Variants in HTR1A observed in about 807,000 individuals in gnomAD.
HTR1A encodes the protein 5-hydroxytryptamine receptor 1A, also known as 5-HT1a receptor.
HTR1A carries 17 observed loss-of-function variants against 24.6 expected under a neutral mutation model. The observed-to-expected ratio is 0.69, with a 90% CI of 0.47 to 1.04. The LOEUF is 1.04. Among genes scored for constraint, HTR1A ranks in the 50% least tolerant of loss-of-function variants. HTR1A has a pLI of 0.00. For synonymous variants in HTR1A, 262 were observed against 244.6 expected (o/e 1.07, Z -0.67); for missense variants, 515 against 565.1 (o/e 0.91, Z 0.90).
chr5:63,962,445 CA>C (rs1746458457), upstream of HTR1A: 1 of 155,750 alleles, frequency 6.4e-6, no homozygotes, highest in African/African-American at 2.4e-5. Context: ...TTTTTGTCAA[CA>C]GAGACTCAGA....
rs1746450363 is a variant in HTR1A, at chr5:63,961,937, G to A, written c.-218C>T. On this transcript the variant is annotated 5_prime_UTR_variant, in exon 1 of 1. Transcript: ENST00000323865. ...CTCTCGCAGTCCAGCGCGTTCAGAA[G>A]CTCCAGCTGGGAAACTGGAGTTGGC... 1.7e-6 allele frequency: 1 copy of A among 593,088 alleles called. No homozygotes were observed. Among genetic ancestry groups the A allele is most frequent in the Admixed American group, 2.9e-5 (1 of 34,050 alleles). 36.7% of individuals were successfully genotyped at this position (593,088 alleles called of 1,614,324 possible).
In HTR1A at chr5:63,960,559, C is replaced by T; in HGVS notation, c.1161G>A (p.Trp387Ter). Residue 387 changes from tryptophan (W) to a stop codon, truncating the protein, a stop_gained, in exon 1 of 1, where the codon TGG (tryptophan) becomes TGA (stop). Transcript: ENST00000323865. LOFTEE classifies it high-confidence loss of function. The stretch of plus-strand genomic sequence containing the variant: ...TAAGCAGAGAGTTGGAGTAGCCCAG[C>T]CAATTGATTATGGCGCCCAACAGGG... ...MPTLLGAIIN[W>*]LGYSNSLLNP... is the part of the protein sequence containing the mutation. 6.2e-7 allele frequency: 1 copy of T among 1,614,176 alleles called. No homozygotes were observed. The highest frequency in any genetic ancestry group is 8.5e-7 in the Non-Finnish European group (1 of 1,180,028).
rs1746353793 is a variant in HTR1A, at chr5:63,958,277, C to T, written c.*2174G>A. On this transcript the variant is annotated 3_prime_UTR_variant, in exon 1 of 1. Coordinates refer to ENST00000323865, the MANE Select transcript of HTR1A (RefSeq NM_000524.4). ...CTTATCTTCTTCACTGCAGACCCTT[C>T]TCAGCATTATACATGCATAGACAAA... Among the ~76,000 whole-genome samples the T allele has an allele frequency of 6.6e-6, 1 of 152,170 alleles. No individual in the cohort carries two copies. Among genetic ancestry groups the T allele is most frequent in the South Asian group, 2.1e-4 (1 of 4,830 alleles).
chr5:63,960,367 T>G lies in HTR1A; in HGVS notation c.*84A>C, dbSNP rs749057027. On this transcript the variant is annotated 3_prime_UTR_variant, in exon 1 of 1. Coordinates refer to ENST00000323865, the MANE Select transcript of HTR1A (RefSeq NM_000524.4). ...AAAGAGGAGAAGTGGCGAATTATCT[T>G]AAGTGTTGATTCCCTAGGGTTGGGG... The G allele has an allele frequency of 2.2e-6, 3 of 1,370,888 alleles. No individual in the cohort carries two copies. The highest frequency in any genetic ancestry group is 1.7e-5 in the Admixed American group (1 of 59,710). 84.9% of individuals were successfully genotyped at this position (1,370,888 alleles called of 1,614,324 possible).
Position 63,959,722 on chromosome 5 carries a change from A to G in HTR1A, c.*729T>C, listed in dbSNP as rs1579953300. On this transcript the variant is annotated 3_prime_UTR_variant, in exon 1 of 1. Transcript: ENST00000323865. The stretch of plus-strand genomic sequence containing the variant: ...TACTTACAAGTCCACTCTAAAAGAT[A>G]CCTTCTAGCCACTTGCTTTGAGTCC... Among the ~76,000 whole-genome samples the G allele has an allele frequency of 6.6e-6, 1 of 152,264 alleles. No individual in the cohort carries two copies. Among genetic ancestry groups the G allele is most frequent in the South Asian group, 2.1e-4 (1 of 4,832 alleles).
rs1223376418 is a variant in HTR1A, at chr5:63,958,050, C to T, written c.*2401G>A. ...ACACAAATAAATGGAAGTCTCAAAA[C>T]TTCTAATGTAAAACTTGCTGGCCAA... On this transcript the variant is annotated 3_prime_UTR_variant, in exon 1 of 1. Coordinates refer to ENST00000323865, the MANE Select transcript of HTR1A (RefSeq NM_000524.4). 1 of 152,214 alleles carries T rather than the reference C, an allele frequency of 6.6e-6. No individual in the cohort carries two copies. Among genetic ancestry groups the T allele is most frequent in the African/African-American group, 2.4e-5 (1 of 41,454 alleles). 9.4% of individuals were successfully genotyped at this position (152,214 alleles called of 1,614,324 possible). A position where few individuals can be genotyped will look rare whatever the true frequency, so the allele number is the denominator to read the frequency against.
Position 63,962,073 on chromosome 5 carries a change from C to T in HTR1A, c.-354G>A. On this transcript the variant is annotated 5_prime_UTR_variant, in exon 1 of 1. Coordinates refer to ENST00000323865, the MANE Select transcript of HTR1A (RefSeq NM_000524.4). ...AACTGGCTGCCGGAGCTGGAGTCTC[C>T]CCACTAGCAAACAGTCTCCAATCCC... 5 of 404,506 alleles carry T rather than the reference C, an allele frequency of 1.2e-5. No homozygotes were observed. The allele number at this position is 404,506 out of a possible 1,614,324, so 25.1% of individuals were successfully genotyped here.
chr5:63,961,659 T>TGGTGG lies in HTR1A; in HGVS notation c.60_61insCCACC (p.Thr21ProfsTer13). 2 of 1,613,822 alleles carry TGGTGG rather than the reference T, an allele frequency of 1.2e-6. No homozygotes were observed. Among genetic ancestry groups the TGGTGG allele is most frequent in the Non-Finnish European group, 1.7e-6 (2 of 1,180,032 alleles). On this transcript the variant is annotated frameshift_variant, in exon 1 of 1. Transcript: ENST00000323865. LOFTEE classifies it high-confidence loss of function. ...GAGATACCAGTAGTGTTGCCGCCGGTCTCAAAGGGAGCCGGTGGTGATGTG... is the reference window on the plus strand; with the variant it reads ...GAGATACCAGTAGTGTTGCCGCCGGTGGTGGCTCAAAGGGAGCCGGTGGTGATGTG...
chr5:63,959,195 G>A lies in HTR1A; in HGVS notation c.*1256C>T, dbSNP rs1020671284. Among the ~76,000 whole-genome samples the A allele has an allele frequency of 2.6e-5, 4 of 152,208 alleles. No homozygotes were observed. The highest frequency in any genetic ancestry group is 5.9e-5 in the Non-Finnish European group (4 of 68,030). On this transcript the variant is annotated 3_prime_UTR_variant, in exon 1 of 1. Coordinates refer to ENST00000323865, the MANE Select transcript of HTR1A (RefSeq NM_000524.4). ...AATTGCTCTTTCAGGTTTTACTGGG[G>A]GAGCCAGCTGGAGCCTTGGGCACGC...
In HTR1A at chr5:63,960,876, TCAC is replaced by T; in HGVS notation, c.841_843del (p.Val281del). 1 of 1,613,958 alleles carries T rather than the reference TCAC, an allele frequency of 6.2e-7. No homozygotes were observed. Among genetic ancestry groups the T allele is most frequent in the African/African-American group, 1.3e-5 (1 of 75,070 alleles). ...AGGGCGGCGCCATCGTCACCTTGCC[TCAC>T]CGCGCCATTGGCGCACAGAGCACCC... is the stretch of plus-strand genomic sequence containing the variant. On this transcript the variant is annotated inframe_deletion, in exon 1 of 1. Coordinates refer to ENST00000323865, the MANE Select transcript of HTR1A (RefSeq NM_000524.4).
rs1746355123 is a variant in HTR1A, at chr5:63,958,377, AGACACCAAAGGAAAGCTTT to A, written c.*2055_*2073del. Among the ~76,000 whole-genome samples the A allele has an allele frequency of 2.0e-5, 3 of 152,352 alleles. No homozygotes were observed. The highest frequency in any genetic ancestry group is 6.8e-3 in the Middle Eastern group (2 of 294). On this transcript the variant is annotated 3_prime_UTR_variant, in exon 1 of 1. Transcript: ENST00000323865. The stretch of plus-strand genomic sequence containing the variant: ...TACTTCCAGTTTAGAATACAGAAGC[AGACACCAAAGGAAAGCTTT>A]GTTCAGTCTGACAAACAATAAAATG...
chr5:63,960,840 C>A lies in HTR1A; in HGVS notation c.880G>T (p.Glu294Ter). The A allele has an allele frequency of 6.2e-7, 1 of 1,614,168 alleles. No homozygotes were observed. Residue 294 changes from glutamate to a stop codon, truncating the protein, a stop_gained, in exon 1 of 1, where the codon GAG becomes TAG. Coordinates refer to ENST00000323865, the MANE Select transcript of HTR1A (RefSeq NM_000524.4). LOFTEE classifies it high-confidence loss of function. ...GDDGAALEVI[E>*]VHRVGNSKEH... ...TTGGAGTTGCCCACTCGGTGCACCT[C>A]GATCACCTCCAGGGCGGCGCCATCG...
Position 63,960,779 on chromosome 5 carries a change from G to C in HTR1A, c.941C>G (p.Thr314Ser), listed in dbSNP as rs758093561. The C allele has an allele frequency of 6.2e-7, 1 of 1,614,104 alleles. No homozygotes were observed. Among genetic ancestry groups the C allele is most frequent in the Non-Finnish European group, 8.5e-7 (1 of 1,179,972 alleles). ...CTCGAAAGAGGCGGGGGCACAAGGGGTAGGACCAGCCTCGCTGGGCAGAGG... is the reference window on the plus strand; with the variant it reads ...CTCGAAAGAGGCGGGGGCACAAGGGCTAGGACCAGCCTCGCTGGGCAGAGG... The part of the protein sequence containing the change: ...HLPLPSEAGP[T>S]PCAPASFERK... The change falls in exon 1 of 1, where the codon ACC becomes AGC. Residue 314 changes from threonine to serine, a missense_variant. Physicochemically the swap from Thr to Ser is moderately conservative, Grantham distance 58 (BLOSUM62 1). Around this residue, in one of 3 missense-constraint regions of HTR1A, gnomAD observed 381 missense variants for 384.5 expected, o/e 0.99. Coordinates refer to ENST00000323865, the MANE Select transcript of HTR1A (RefSeq NM_000524.4).
chr5:63,961,246 C>A lies in HTR1A; in HGVS notation c.474G>T (p.Ser158=). 6.2e-7 allele frequency: 1 copy of A among 1,614,184 alleles called. No individual in the cohort carries two copies. The highest frequency in any genetic ancestry group is 8.5e-7 in the Non-Finnish European group (1 of 1,180,040). The part of the protein sequence containing the change: ...RTPRRAAALI[S]LTWLIGFLIS... ...TGAGGAAGCCAATAAGCCAAGTGAG[C>A]GAGATGAGCGCAGCGGCGCGCCGGG... Residue 158 remains serine, a synonymous_variant, in exon 1 of 1, where the codon TCG becomes TCT. Transcript: ENST00000323865.
At position 63,961,097 on chromosome 5, in the gene HTR1A, A is replaced by G. The variant is rs759529264; in HGVS notation, c.623T>C (p.Leu208Pro). The G allele has an allele frequency of 1.9e-6, 3 of 1,614,274 alleles. No homozygotes were observed. In the Admixed American group the frequency reaches 5.0e-5, roughly 27 times the overall value. ...YSTFGAFYIP[L>P]LLMLVLYGRI... ...CCCATAGAGAACCAGCATGAGCAGC[A>G]GCGGGATGTAGAAAGCTCCAAAGGT... The change falls in exon 1 of 1, where the codon CTG (leucine) becomes CCG (proline). Residue 208 changes from leucine to proline, a missense_variant. This residue lies in a region of HTR1A where 381 missense variants were observed against 384.5 expected (regional missense o/e 0.99). Transcript: ENST00000323865.
At position 63,960,392 on chromosome 5, in the gene HTR1A, G is replaced by T; in HGVS notation, c.*59C>A. ...TAAGTGTTGATTCCCTAGGGTTGGG[G>T]GAAGCATAGTGAATGGGACGGATCC... On this transcript the variant is annotated 3_prime_UTR_variant, in exon 1 of 1. Coordinates refer to ENST00000323865, the MANE Select transcript of HTR1A (RefSeq NM_000524.4). The T allele has an allele frequency of 6.6e-7, 1 of 1,520,312 alleles. No homozygotes were observed. The highest frequency in any genetic ancestry group is 9.1e-7 in the Non-Finnish European group (1 of 1,095,058). The allele number at this position is 1,520,312 out of a possible 1,614,324, so 94.2% of individuals were successfully genotyped here.
chr5:63,961,212 G>A lies in HTR1A; in HGVS notation c.508C>T (p.Pro170Ser). ...TWLIGFLISI[P>S]PMLGWRTPED... is the part of the protein sequence containing the mutation. The stretch of plus-strand genomic sequence containing the variant: ...GGGGTGCGCCAGCCCAGCATGGGCG[G>A]GATAGAGATGAGGAAGCCAATAAGC... The change falls in exon 1 of 1, where the codon CCG (proline) becomes TCG (serine). Residue 170 changes from proline to serine, a missense_variant. By Grantham distance (74) the Pro-to-Ser change is moderately conservative. Around this residue, in one of 3 missense-constraint regions of HTR1A, gnomAD observed 381 missense variants for 384.5 expected, o/e 0.99. Transcript: ENST00000323865. 1.2e-6 allele frequency: 2 copies of A among 1,614,146 alleles called. No individual in the cohort carries two copies. The highest frequency in any genetic ancestry group is 2.2e-5 in the East Asian group (1 of 44,852).
At position 63,961,101 on chromosome 5, in the gene HTR1A, G is replaced by A. The variant is rs1248736722; in HGVS notation, c.619C>T (p.Pro207Ser). The change falls in exon 1 of 1, where the codon CCG (proline) becomes TCG (serine). Residue 207 changes from proline (P) to serine (S), a missense_variant. Physicochemically the swap from Pro to Ser is moderately conservative, Grantham distance 74. Around this residue, in one of 3 missense-constraint regions of HTR1A, gnomAD observed 381 missense variants for 384.5 expected, o/e 0.99. Coordinates refer to ENST00000323865, the MANE Select transcript of HTR1A (RefSeq NM_000524.4). ...IYSTFGAFYI[P>S]LLLMLVLYGR... is the part of the protein sequence containing the mutation. The stretch of plus-strand genomic sequence containing the variant: ...TAGAGAACCAGCATGAGCAGCAGCG[G>A]GATGTAGAAAGCTCCAAAGGTGGAA... 6.2e-7 allele frequency: 1 copy of A among 1,614,268 alleles called. No homozygotes were observed. The highest frequency in any genetic ancestry group is 1.7e-5 in the Admixed American group (1 of 60,038).
chr5:63,958,459 T>G lies in HTR1A; in HGVS notation c.*1992A>C, dbSNP rs1045178857. On this transcript the variant is annotated 3_prime_UTR_variant, in exon 1 of 1. Transcript: ENST00000323865. ...AGAGCTGTCCTTTCACTTTCTTAAT[T>G]ATAAACAAATGAACTTTTCACTGGC... Among the ~76,000 whole-genome samples the G allele has an allele frequency of 7.9e-5, 12 of 152,180 alleles. No homozygotes were observed. The highest frequency in any genetic ancestry group is 2.6e-4 in the Admixed American group (4 of 15,284).
Sources: gnomAD v4.1 joint callset for allele counts (sites outside exome capture counted in the v4.1 genomes callset) on GRCh38, gnomAD v4.1.1 for gene constraint, gnomAD v4.1.1 regional missense constraint, MANE v1.5 for transcripts, NCBI Gene and HGNC (gene_info 2026-07-23, HGNC 2026-07-21) for gene names.